The following ZFPM1 variants were observed in gnomAD, a reference collection of about 807,000 sequenced individuals.
ZFPM1 encodes the protein zinc finger protein, FOG family member 1.
Under a neutral mutation model 46.3 loss-of-function variants are expected in ZFPM1, and 28 were observed. That is an observed-to-expected ratio of 0.60 (90% CI 0.45 to 0.83). The LOEUF is 0.83. Ranked by LOEUF, ZFPM1 falls within the 40% of genes least tolerant of loss-of-function variation. The pLI, the probability that ZFPM1 is intolerant of heterozygous loss-of-function variation, is 0.00. For missense variants in ZFPM1, 1,878 were observed against 1,432.4 expected, an observed-to-expected ratio of 1.31 and a Z score of -5.02; for synonymous variants, 957 against 675.9, an observed-to-expected ratio of 1.42 and a Z score of -6.45.
chr16:88,532,381 G>A (rs1369823090), intron 7 of ZFPM1, 146 bp downstream of exon 7: 4 of 961,418 alleles, frequency 4.2e-6, no homozygotes, highest in Non-Finnish European at 6.1e-6. Context: ...GGCCCCCGCA[G>A]GGGCCCAGAG....
At chr16:88,532,335 G>A (rs1912854549) in intron 7 of ZFPM1, 100 bp downstream of exon 7, 1 of 1,215,040 alleles carries the variant, frequency 8.2e-7, no homozygotes. Context: ...CACACACGGT[G>A]CCACCATTCA....
intron 3 of ZFPM1, among the ~76,000 whole-genome samples, chr16:88,498,572 T>G (rs1021003419): frequency 1.3e-5 from 2 of 151,952 alleles, no homozygotes; most frequent in Non-Finnish European, 2.9e-5. Context: ...CATGACGAGG[T>G]AGGAACCCCA....
intron 1 of ZFPM1, among the ~76,000 whole-genome samples, chr16:88,454,828 C>T (rs1469073564): frequency 1.3e-5 from 2 of 152,210 alleles, no homozygotes; most frequent in African/African-American, 4.8e-5. Flanking sequence ...ACGACGGAAA[C>T]CCGCCCGCTG....
intron 3 of ZFPM1, among the ~76,000 whole-genome samples, chr16:88,508,399 A>C (rs1014371131): frequency 6.6e-6 from 1 of 152,202 alleles, no homozygotes; most frequent in Admixed American, 6.5e-5. Context: ...GGAGGATCAC[A>C]TGTGAAGGAG....
At chr16:88,509,530 ACT>A (rs1910840733) in intron 3 of ZFPM1, among the ~76,000 whole-genome samples, 1 of 152,166 alleles carries the variant, frequency 6.6e-6, no homozygotes, top group Non-Finnish European at 1.5e-5. Flanking sequence ...ACGTCCGCAG[ACT>A]CACAGGGTGA....
At chr16:88,453,996 C>T (rs929660560) in intron 1 of ZFPM1, among the ~76,000 whole-genome samples, 5 of 152,170 alleles carry the variant, frequency 3.3e-5, no homozygotes, top group African/African-American at 9.6e-5. Context: ...CGAGATGGTG[C>T]GGCGATAGGG....
intron 1 of ZFPM1, among the ~76,000 whole-genome samples, chr16:88,458,689 G>GA (rs1907665998): frequency 6.6e-6 from 1 of 152,156 alleles, no homozygotes; most frequent in Admixed American, 6.5e-5. Context: ...TCGGGGCCCT[G>GA]GTGGGGCTCC....
chr16:88,457,599 A>C (rs956898238), intron 1 of ZFPM1, among the ~76,000 whole-genome samples: 9 of 151,528 alleles, frequency 5.9e-5, no homozygotes, highest in African/African-American at 1.9e-4. Flanking sequence ...GTCATCTCAG[A>C]GTCCTGATCC....
In ZFPM1 at chr16:88,460,919, GGGC is replaced by G. The variant is rs1303699217; in HGVS notation, c.40+7244_40+7246del. On this transcript the variant is annotated intron_variant, in intron 1 of 9. Transcript: ENST00000319555. ...GATGGGAGGCCTGGTGAGGACCGAG[GGGC>G]GGGGCGGGAGGCCTGGTGATGACCG... is the stretch of plus-strand genomic sequence containing the variant. Among the ~76,000 whole-genome samples the G allele has an allele frequency of 3.4e-4, 17 of 49,296 alleles. 1 individual carries two copies. The highest frequency in any genetic ancestry group is 9.8e-4 in the Admixed American group (4 of 4,082). 32.3% of individuals were successfully genotyped at this position (49,296 alleles called of 152,430 possible). A position where few individuals can be genotyped will look rare whatever the true frequency, so the allele number is the denominator to read the frequency against.
rs186590256 is a variant in ZFPM1 at position 88,510,105 on chromosome 16, A to T, written c.269-4282A>T. Among the ~76,000 whole-genome samples, 247 of 152,228 alleles carry T rather than the reference A, an allele frequency of 1.6e-3. 1 individual carries two copies. The highest frequency in any genetic ancestry group is 5.8e-3 in the African/African-American group (241 of 41,526). On this transcript the variant is annotated intron_variant, in intron 3 of 9. Transcript: ENST00000319555. Reference sequence around the variant, plus strand: ...AGAGAATAGTGCTGGCTGCACCGGCAGACACACCCCCTAACCTCACGGCAC... The same window carrying T: ...AGAGAATAGTGCTGGCTGCACCGGCTGACACACCCCCTAACCTCACGGCAC...
At position 88,497,724 on chromosome 16, in the gene ZFPM1, C is replaced by T. The variant is rs1237281958; in HGVS notation, c.268+8571C>T. Among the ~76,000 whole-genome samples the T allele has an allele frequency of 1.3e-5, 2 of 152,124 alleles. No homozygotes were observed. Among genetic ancestry groups the T allele is most frequent in the Non-Finnish European group, 2.9e-5 (2 of 68,002 alleles). On this transcript the variant is annotated intron_variant, in intron 3 of 9. Transcript: ENST00000319555. The surrounding 1 kb of genome is among the most constrained non-coding windows in gnomAD (Gnocchi z 5.4). Reference sequence around the variant, plus strand: ...TGAGGCGGGAGGAGGGCTCTGTCCACTATTTCCTGCCTGAGGCCCACGAAG... The same window carrying T: ...TGAGGCGGGAGGAGGGCTCTGTCCATTATTTCCTGCCTGAGGCCCACGAAG...
intron 1 of ZFPM1, 104 bp downstream of exon 1, chr16:88,453,782 C>T: frequency 1.5e-6 from 1 of 653,412 alleles, no homozygotes; most frequent in Non-Finnish European, 1.9e-6. Context: ...TGGGCGCCGG[C>T]GACCTTCACC....
chr16:88,501,311 G>A (rs1360303654), intron 3 of ZFPM1, among the ~76,000 whole-genome samples: 11 of 125,586 alleles, frequency 8.8e-5, no homozygotes, highest in African/African-American at 9.2e-5. Context: ...TGCTGGTGAT[G>A]ATGGAGATAG....
chr16:88,518,130 G>A (rs1194625907), intron 4 of ZFPM1, among the ~76,000 whole-genome samples: 14 of 152,220 alleles, frequency 9.2e-5, no homozygotes, highest in African/African-American at 2.9e-4. Context: ...GTGTGAACCC[G>A]GGAGGCGGAG....
rs778890356 is a variant in ZFPM1, at chr16:88,453,599, G to A, written c.-40G>A. The stretch of plus-strand genomic sequence containing the variant: ...CGCCGCCCGCCGCCGCCCGCCCGGG[G>A]CTAGAGGCGGCCGCCGGGAGGGCGC... On this transcript the variant is annotated 5_prime_UTR_variant, in exon 1 of 10. Transcript: ENST00000319555. The A allele has an allele frequency of 2.5e-4, 271 of 1,065,762 alleles. No individual in the cohort carries two copies. The highest frequency in any genetic ancestry group is 3.0e-4 in the Non-Finnish European group (258 of 873,782). The allele number at this position is 1,065,762 out of a possible 1,614,324, so 66.0% of individuals were successfully genotyped here.
chr16:88,479,179 C>T (rs1908814703), intron 1 of ZFPM1, among the ~76,000 whole-genome samples: 1 of 152,154 alleles, frequency 6.6e-6, no homozygotes, highest in African/African-American at 2.4e-5. Flanking sequence ...GTCCCGAGTC[C>T]CAACCGCGGG....
At chr16:88,459,784 C>CTCCTCCCCCTCT (rs1329068142) in intron 1 of ZFPM1, among the ~76,000 whole-genome samples, 1 of 105,270 alleles carries the variant, frequency 9.5e-6, no homozygotes, top group Non-Finnish European at 2.0e-5. Flanking sequence ...CCTTCCCCTC[C>CTCCTCCCCCTCT]TCCTCCCCCT....
intron 1 of ZFPM1, among the ~76,000 whole-genome samples, chr16:88,467,697 G>C (rs938108126): frequency 2.3e-4 from 35 of 152,268 alleles, no homozygotes; most frequent in African/African-American, 8.2e-4. Context: ...GGGCGTGTTG[G>C]GCACAGCGGG....
chr16:88,454,069 A>T (rs957908597), intron 1 of ZFPM1, among the ~76,000 whole-genome samples: 3 of 152,242 alleles, frequency 2.0e-5, no homozygotes, highest in African/African-American at 7.2e-5. Flanking sequence ...CGTCCTGATA[A>T]GATCGTTCTG....
Sources: gnomAD v4.1 joint callset for allele counts (sites outside exome capture counted in the v4.1 genomes callset) on GRCh38, gnomAD v4.1.1 for gene constraint, Gnocchi (gnomAD v3.1) non-coding constraint, MANE v1.5 for transcripts, NCBI Gene and HGNC (gene_info 2026-07-23, HGNC 2026-07-21) for gene names.